HTR2C: variants seen among roughly 807,000 people sequenced by gnomAD.
HTR2C encodes the protein 5-hydroxytryptamine (serotonin) receptor 2C, G protein-coupled.
HTR2C carries 5 observed loss-of-function variants against 21.0 expected under a neutral mutation model. That is an observed-to-expected ratio of 0.24 (90% CI 0.12 to 0.50). HTR2C has a LOEUF of 0.50. HTR2C is among the 20% of genes least tolerant of loss of function. The pLI is 0.98. For missense variants in HTR2C, 271 were observed against 371.2 expected, an observed-to-expected ratio of 0.73 and a Z score of 2.22; for synonymous variants, 150 against 145.3, an observed-to-expected ratio of 1.03 and a Z score of -0.23.
At chrX:114,605,278 G>A (rs1334000186) in intron 1 of HTR2C, among the ~76,000 whole-genome samples, 8 of 111,723 alleles carry the variant, frequency 7.2e-5, no homozygotes, top group Non-Finnish European at 1.3e-4. Flanking sequence ...TGTGAGGAGG[G>A]GAGGTGATAA....
intron 2 of HTR2C, among the ~76,000 whole-genome samples, chrX:114,692,661 A>G (rs782214239): frequency 6.3e-5 from 7 of 111,051 alleles, no homozygotes; most frequent in Admixed American, 3.9e-4. Flanking sequence ...CTTTTCTCTC[A>G]TGTTAAAATA....
intron 4 of HTR2C, among the ~76,000 whole-genome samples, chrX:114,757,721 G>A (rs1220220587): frequency 8.9e-6 from 1 of 111,946 alleles, no homozygotes; most frequent in Non-Finnish European, 1.9e-5. Flanking sequence ...TAGTTCAAAT[G>A]TGTTTAGTTC....
intron 5 of HTR2C, among the ~76,000 whole-genome samples, chrX:114,893,469 A>G (rs2147529400): frequency 8.9e-6 from 1 of 111,981 alleles, no homozygotes; most frequent in East Asian, 2.8e-4. Context: ...GTTTTTTTCA[A>G]TAAATGTTCT....
intron 4 of HTR2C, among the ~76,000 whole-genome samples, chrX:114,833,584 T>C (rs1249698170): frequency 9.3e-6 from 1 of 107,157 alleles, no homozygotes; most frequent in Non-Finnish European, 1.9e-5. Context: ...ATTTGATTCT[T>C]CTCTCTTTTT....
chrX:114,865,538 T>A (rs1291042612), intron 5 of HTR2C, among the ~76,000 whole-genome samples: 2 of 111,568 alleles, frequency 1.8e-5, no homozygotes, highest in African/African-American at 6.5e-5. Flanking sequence ...CCTCCCCAAT[T>A]CTTGGTATAG....
At chrX:114,640,188 A>G (rs1930040805) in intron 2 of HTR2C, among the ~76,000 whole-genome samples, 1 of 111,832 alleles carries the variant, frequency 8.9e-6, no homozygotes, top group African/African-American at 3.2e-5. Context: ...GCAGTCTAAT[A>G]CTGGAAGTAG....
chrX:114,663,750 A>G (rs782465555), intron 2 of HTR2C, among the ~76,000 whole-genome samples: 2 of 111,486 alleles, frequency 1.8e-5, no homozygotes, highest in East Asian at 5.6e-4. Flanking sequence ...TAGTAAATCC[A>G]CTTACCTTTT....
intron 2 of HTR2C, among the ~76,000 whole-genome samples, chrX:114,652,300 T>C (rs1160690367): frequency 1.7e-4 from 19 of 111,317 alleles, no homozygotes; most frequent in Non-Finnish European, 2.5e-4. Context: ...TTCCTTATAA[T>C]TAGAAAATTT....
chrX:114,596,564 A>G (rs1332531836), intron 1 of HTR2C, among the ~76,000 whole-genome samples: 4 of 111,768 alleles, frequency 3.6e-5, no homozygotes, highest in African/African-American at 1.3e-4. Context: ...GTACTAGAAC[A>G]TTTATTTTTT....
chrX:114,735,651 T>C (rs2147350197), intron 4 of HTR2C, among the ~76,000 whole-genome samples: 1 of 88,908 alleles, frequency 1.1e-5, no homozygotes, highest in East Asian at 4.0e-4. Flanking sequence ...ATTATAACCA[T>C]AAAAAACTGG....
chrX:114,759,398 G>A (rs782777136), intron 4 of HTR2C, among the ~76,000 whole-genome samples: 2 of 110,863 alleles, frequency 1.8e-5, no homozygotes, highest in South Asian at 3.8e-4. Flanking sequence ...TTTTGTGGTC[G>A]CTCTGCTAGT....
chrX:114,889,318 G>A (rs1475035948), intron 5 of HTR2C, among the ~76,000 whole-genome samples: 3 of 111,661 alleles, frequency 2.7e-5, no homozygotes, highest in East Asian at 5.6e-4. Flanking sequence ...TGTTGCTGTT[G>A]GGACACATCT....
At chrX:114,878,601 T>A (rs969032260) in intron 5 of HTR2C, among the ~76,000 whole-genome samples, 57 of 111,227 alleles carry the variant, frequency 5.1e-4, no homozygotes, top group African/African-American at 1.7e-3. Context: ...CTGAAAAGTG[T>A]GTCATTTAAA....
chrX:114,730,432 T>C (rs781942471), intron 3 of HTR2C, among the ~76,000 whole-genome samples: 1 of 111,996 alleles, frequency 8.9e-6, no homozygotes, highest in Non-Finnish European at 1.9e-5. Flanking sequence ...CAAATCATTA[T>C]CTAGCCTAGA....
In HTR2C at chrX:114,676,656, A is replaced by C. The variant is rs1482921373; in HGVS notation, c.-79-50202A>C. Among the ~76,000 whole-genome samples the C allele has an allele frequency of 4.4e-5, 5 of 112,409 alleles. No homozygotes were observed. The Admixed American group carries it at 4.7e-4, about 11-fold the overall frequency. ...GACAGAAGTACTCATGAGAGTGTTT[A>C]AGTTGGAATGTGGGATATCATGTGT... On this transcript the variant is annotated intron_variant, in intron 2 of 5. Transcript: ENST00000276198.
chrX:114,806,182 A>G (rs2070427827), intron 4 of HTR2C, among the ~76,000 whole-genome samples: 1 of 100,270 alleles, frequency 1.0e-5, no homozygotes, highest in African/African-American at 3.6e-5. Flanking sequence ...TACACCCTAT[A>G]TATACACCAT....
intron 4 of HTR2C, among the ~76,000 whole-genome samples, chrX:114,734,049 A>G (rs1395352687): frequency 9.0e-6 from 1 of 111,683 alleles, no homozygotes; most frequent in Non-Finnish European, 1.9e-5. Flanking sequence ...TAAGAATAGA[A>G]ATGGTCAAAA....
At position 114,898,721 on chromosome X, in the gene HTR2C, T is replaced by C. The variant is rs1378239609; in HGVS notation, c.551-7868T>C. ...ATAGTTGTAGGTGTGCAGTCTTATTTCTGAGATCTCTATTCTGTTCCATTG... is the reference window on the plus strand; with the variant it reads ...ATAGTTGTAGGTGTGCAGTCTTATTCCTGAGATCTCTATTCTGTTCCATTG... On this transcript the variant is annotated intron_variant, in intron 5 of 5. Transcript: ENST00000276198. Among the ~76,000 whole-genome samples, 3 of 111,942 alleles carry C rather than the reference T, an allele frequency of 2.7e-5. No homozygotes were observed. The East Asian group carries it at 8.5e-4, about 32-fold the overall frequency.
In HTR2C at chrX:114,802,698, C is replaced by A. The variant is rs1290005169; in HGVS notation, c.350-45305C>A. The stretch of plus-strand genomic sequence containing the variant: ...CTATGCTTAGATTCTTTCTTTCTTT[C>A]TTTCTTTCTTTCTTTCTTTCTTTCT... On this transcript the variant is annotated intron_variant, in intron 4 of 5. Coordinates refer to ENST00000276198, the MANE Select transcript of HTR2C (RefSeq NM_000868.4). Among the ~76,000 whole-genome samples the A allele has an allele frequency of 6.4e-5, 6 of 93,265 alleles. No homozygotes were observed. In the East Asian group the frequency reaches 2.1e-3, roughly 33 times the overall value. The allele number at this position is 93,265 out of a possible 115,157, so 81.0% of individuals were successfully genotyped here.
Sources: allele counts gnomAD v4.1 joint callset (sites outside exome capture counted in the v4.1 genomes callset), GRCh38; gene constraint gnomAD v4.1.1; transcripts MANE v1.5; gene names NCBI Gene and HGNC (gene_info 2026-07-23, HGNC 2026-07-21).